Variants in SMC1A observed in about 807,000 individuals in gnomAD.
The protein encoded by SMC1A is structural maintenance of chromosomes 1A.
Under a neutral mutation model 94.5 loss-of-function variants are expected in SMC1A, and 4 were observed. The observed-to-expected ratio is 0.04, with a 90% CI of 0.02 to 0.10. The LOEUF (loss-of-function observed/expected upper bound fraction) is 0.10, where lower values mean the gene tolerates loss of function less well. Among genes scored for constraint, SMC1A ranks in the 10% least tolerant of loss-of-function variants. The pLI, the probability that SMC1A is intolerant of heterozygous loss-of-function variation, is 1.00. For synonymous variants in SMC1A, 345 were observed against 347.7 expected (o/e 0.99, Z 0.09); for missense variants, 304 against 989.0 (o/e 0.31, Z 9.29).
At chrX:53,390,376 T>C (rs183851294) in intron 19 of SMC1A, among the ~76,000 whole-genome samples, 5 of 106,196 alleles carry the variant, frequency 4.7e-5, no homozygotes, top group African/African-American at 1.4e-4. Flanking sequence ...TAATCCCAGC[T>C]ACTTGGGGGG....
chrX:53,381,351 G>A (rs2075582286), intron 22 of SMC1A, among the ~76,000 whole-genome samples: 2 of 111,885 alleles, frequency 1.8e-5, no homozygotes, highest in Non-Finnish European at 3.8e-5. Context: ...GCTGGCTGGG[G>A]AGCTAAAGCT....
chrX:53,420,872 C>G (rs1556891944), intron 1 of SMC1A, among the ~76,000 whole-genome samples: 1 of 111,757 alleles, frequency 8.9e-6, no homozygotes, highest in African/African-American at 3.3e-5. Context: ...TACTCACAGG[C>G]CAATGAAGAT....
intron 1 of SMC1A, chrX:53,422,177 G>A (rs2097359804): frequency 1.0e-5 from 7 of 678,900 alleles, no homozygotes; most frequent in South Asian, 2.8e-5. Flanking sequence ...GCGGAGGACT[G>A]AGCTGGCGGG....
intron 7 of SMC1A, among the ~76,000 whole-genome samples, chrX:53,411,202 A>G (rs782354382): frequency 9.9e-5 from 11 of 111,324 alleles, no homozygotes; most frequent in African/African-American, 3.6e-4. Flanking sequence ...TAATAAATGA[A>G]GAATTAAATG....
rs782040428 is a variant in SMC1A, at chrX:53,407,275, T to C, written c.1546-1319A>G. The stretch of plus-strand genomic sequence containing the variant: ...GACTCTTAGCTCCACCCCTACAACC[T>C]TCAGGAGGGGAGAGGGGCTGAAGGT... On this transcript the variant is annotated intron_variant, in intron 9 of 24. Transcript: ENST00000322213. 7.0e-3 allele frequency among the ~76,000 whole-genome samples: 783 copies of C among 111,244 alleles called. 2 individuals carry two copies. The highest frequency in any genetic ancestry group is 0.011 in the Non-Finnish European group (579 of 52,988).
chrX:53,388,972 G>C (rs1196781972), intron 19 of SMC1A, among the ~76,000 whole-genome samples: 10 of 98,634 alleles, frequency 1.0e-4, no homozygotes, highest in African/African-American at 3.8e-4. Flanking sequence ...ACTCCAGCCT[G>C]GGCGACAGAG....
At position 53,405,313 on chromosome X, in the gene SMC1A, G is replaced by A. The variant is rs2075687099; in HGVS notation, c.1990C>T (p.Arg664Trp). The part of the protein sequence containing the change: ...GGASDLKAKA[R>W]RWDEKAVDKL... ...TCTACTGCTTTCTCATCCCAGCGCC[G>A]TGCCTTGGCCTTCAGGTCACTGGCC... Residue 664 changes from arginine (R) to tryptophan (W), a missense_variant, in exon 12 of 25, where the codon CGG (arginine) becomes TGG (tryptophan). Transcript: ENST00000322213. 8.3e-7 allele frequency: 1 copy of A among 1,209,847 alleles called. No individual in the cohort carries two copies. The highest frequency in any genetic ancestry group is 2.2e-5 in the Admixed American group (1 of 45,701).
chrX:53,395,317 TG>T (rs2075646985), intron 18 of SMC1A, among the ~76,000 whole-genome samples: 1 of 112,081 alleles, frequency 8.9e-6, no homozygotes, highest in South Asian at 3.6e-4. Context: ...CACTTCAGCC[TG>T]GGTGACAAAA....
At position 53,422,559 on chromosome X, in the gene SMC1A, C is replaced by T. The variant is rs1463770411; in HGVS notation, c.42G>A (p.Ser14=). 8.3e-7 allele frequency: 1 copy of T among 1,206,190 alleles called. No homozygotes were observed. The highest frequency in any genetic ancestry group is 3.0e-5 in the East Asian group (1 of 33,707). The part of the protein sequence containing the change: ...LKLIEIENFK[S]YKGRQIIGPF... ...GTCCGATAATCTGTCGACCCTTGTA[C>T]GACTTAAAGTTCTCAATCTCAATCA... is the stretch of plus-strand genomic sequence containing the variant. The change falls in exon 1 of 25, where the codon TCG becomes TCA. Residue 14 remains serine, a synonymous_variant. Coordinates refer to ENST00000322213, the MANE Select transcript of SMC1A (RefSeq NM_006306.4).
Position 53,405,813 on chromosome X carries a change from C to T in SMC1A, c.1689G>A (p.Gln563=). Residue 563 remains glutamine (Q), a synonymous_variant, in exon 10 of 25, where the codon CAG becomes CAA. Coordinates refer to ENST00000322213, the MANE Select transcript of SMC1A (RefSeq NM_006306.4). ...GCAAGAAGGTCTCAGGCTCCCCACG[C>T]TGCTCCTTGATATACTGAATACAGT... The part of the protein sequence containing the change: ...GRDCIQYIKE[Q]RGEPETFLPL... 8.3e-7 allele frequency: 1 copy of T among 1,211,269 alleles called. No homozygotes were observed. Among genetic ancestry groups the T allele is most frequent in the African/African-American group, 1.7e-5 (1 of 57,736 alleles).
In SMC1A at chrX:53,380,191, A is replaced by G; in HGVS notation, c.3619-5T>C. 1 of 1,175,254 alleles carries G rather than the reference A, an allele frequency of 8.5e-7. No homozygotes were observed. Among genetic ancestry groups the G allele is most frequent in the Non-Finnish European group, 1.2e-6 (1 of 864,066 alleles). On this transcript the variant is annotated splice_region_variant and splice_polypyrimidine_tract_variant and intron_variant, in intron 24 of 24. Coordinates refer to ENST00000322213, the MANE Select transcript of SMC1A (RefSeq NM_006306.4). ...GCTGATCACACAGTCCCCTTGCTGA[A>G]GGAGGAGGGAGAAAAAGAAAAATAA... is the stretch of plus-strand genomic sequence containing the variant.
intron 7 of SMC1A, 55 bp downstream of exon 7, chrX:53,411,706 C>A: frequency 8.5e-7 from 1 of 1,171,566 alleles, no homozygotes; most frequent in Non-Finnish European, 1.2e-6. Context: ...GATGCTCAAC[C>A]TATATATATC....
chrX:53,393,726 A>G (rs1307968091), intron 19 of SMC1A, among the ~76,000 whole-genome samples: 4 of 111,426 alleles, frequency 3.6e-5, no homozygotes, highest in African/African-American at 6.5e-5. Flanking sequence ...GAAATTTTCC[A>G]TAAGTTAAAA....
intron 20 of SMC1A, 64 bp downstream of exon 20, chrX:53,383,033 G>C: frequency 9.5e-7 from 1 of 1,050,972 alleles, no homozygotes; most frequent in Non-Finnish European, 1.3e-6. Context: ...ATGTATAGCA[G>C]GCCCGTGGCA....
intron 1 of SMC1A, among the ~76,000 whole-genome samples, chrX:53,415,606 G>A (rs962417930): frequency 6.5e-5 from 7 of 107,418 alleles, no homozygotes; most frequent in Non-Finnish European, 1.2e-4. Flanking sequence ...GGCGGAGGTT[G>A]CAGTGAGCCG....
chrX:53,416,644 C>T (rs1556891341), intron 1 of SMC1A, among the ~76,000 whole-genome samples: 2 of 110,829 alleles, frequency 1.8e-5, no homozygotes, highest in Non-Finnish European at 3.8e-5. Flanking sequence ...CCCACCTCGG[C>T]CTCCCAAAGT....
At chrX:53,397,796 T>C (rs2075656927) in intron 16 of SMC1A, among the ~76,000 whole-genome samples, 1 of 110,994 alleles carries the variant, frequency 9.0e-6, no homozygotes, top group South Asian at 3.7e-4. Context: ...AAATAAAAAG[T>C]AAAAAAATTA....
rs1218377842 is a variant in SMC1A at position 53,377,204 on chromosome X, T to C, written c.*2899A>G. On this transcript the variant is annotated 3_prime_UTR_variant, in exon 25 of 25. Transcript: ENST00000322213. ...AGGCTCTGCCACTAAACCAGTGGAA[T>C]CTTGGACAAGTCACCTCACCTCCTG... 1 of 112,121 alleles carries C rather than the reference T, an allele frequency of 8.9e-6. No individual in the cohort carries two copies. Among genetic ancestry groups the C allele is most frequent in the East Asian group, 2.8e-4 (1 of 3,576 alleles). The allele number at this position is 112,121 out of a possible 1,213,427, so 9.2% of individuals were successfully genotyped here.
At position 53,375,035 on chromosome X, in the gene SMC1A, G is replaced by A. The variant is rs1307592564; in HGVS notation, c.*5068C>T. The A allele has an allele frequency of 8.9e-6, 1 of 112,650 alleles. No individual in the cohort carries two copies. Among genetic ancestry groups the A allele is most frequent in the Non-Finnish European group, 1.9e-5 (1 of 53,394 alleles). The allele number at this position is 112,650 out of a possible 1,213,427, so 9.3% of individuals were successfully genotyped here. ...GCCAGCCTAGAGATTGGTTGCCCTTGAACCAGACACTATCCACATCTAGCT... is the reference window on the plus strand; with the variant it reads ...GCCAGCCTAGAGATTGGTTGCCCTTAAACCAGACACTATCCACATCTAGCT... On this transcript the variant is annotated 3_prime_UTR_variant, in exon 25 of 25. Coordinates refer to ENST00000322213, the MANE Select transcript of SMC1A (RefSeq NM_006306.4).
Sources: allele counts gnomAD v4.1 joint callset (sites outside exome capture counted in the v4.1 genomes callset), GRCh38; gene constraint gnomAD v4.1.1; transcripts MANE v1.5; gene names NCBI Gene and HGNC (gene_info 2026-07-23, HGNC 2026-07-21).